CHCHD6: variants seen among roughly 807,000 people sequenced by gnomAD.
CHCHD6 encodes MICOS complex subunit MIC25.
CHCHD6 carries 28 observed loss-of-function variants against 32.3 expected under a neutral mutation model. The ratio of observed to expected loss-of-function variants is 0.87; its 90% CI spans 0.64 to 1.19. The LOEUF (loss-of-function observed/expected upper bound fraction) is 1.19. CHCHD6 is among the 50% of genes most tolerant of loss of function. The pLI is 0.00. For missense variants in CHCHD6, 333 were observed against 307.0 expected, an observed-to-expected ratio of 1.08 and a Z score of -0.63; for synonymous variants, 122 against 117.5, an observed-to-expected ratio of 1.04 and a Z score of -0.25.
rs992745529 is a variant in CHCHD6, at chr3:126,852,693, C to A, written c.458C>A (p.Thr153Asn). The A allele has an allele frequency of 6.2e-7, 1 of 1,613,806 alleles. No individual in the cohort carries two copies. The highest frequency in any genetic ancestry group is 8.5e-7 in the Non-Finnish European group (1 of 1,179,828). The change falls in exon 5 of 8, where the codon ACC (threonine) becomes AAC (asparagine). Residue 153 changes from threonine to asparagine, a missense_variant. Thr to Asn is a moderately conservative substitution (Grantham distance 65). Coordinates refer to ENST00000290913, the MANE Select transcript of CHCHD6 (RefSeq NM_032343.3). ...SREAELRRRD[T>N]FYKEQLERIE... ...GAGGCAGAGCTAAGACGCCGTGACA[C>A]CTTCTACAAGGAGCAGCTGGAGCGT... is the stretch of plus-strand genomic sequence containing the variant.
At chr3:126,808,448 A>G (rs567880780) in intron 4 of CHCHD6, among the ~76,000 whole-genome samples, 1 of 152,196 alleles carries the variant, frequency 6.6e-6, no homozygotes, top group South Asian at 2.1e-4. Flanking sequence ...TCAAGAAAAA[A>G]GAAAACATGT....
intron 6 of CHCHD6, among the ~76,000 whole-genome samples, chr3:126,931,711 C>T (rs2078409117): frequency 6.6e-6 from 1 of 152,216 alleles, no homozygotes; most frequent in African/African-American, 2.4e-5. Context: ...CCTTTCTAAG[C>T]TCCCCTTCTT....
chr3:126,756,073 G>C (rs1021640205), intron 4 of CHCHD6, among the ~76,000 whole-genome samples: 5 of 152,158 alleles, frequency 3.3e-5, no homozygotes, highest in African/African-American at 1.2e-4. Context: ...GCAGCAGCTG[G>C]TCTGTCTGTA....
chr3:126,752,346 C>A (rs1936760620), intron 4 of CHCHD6, among the ~76,000 whole-genome samples: 1 of 152,212 alleles, frequency 6.6e-6, no homozygotes, highest in Non-Finnish European at 1.5e-5. Flanking sequence ...GGACTCTGGT[C>A]ACAGCAGCCC....
chr3:126,876,685 A>G (rs908648678), intron 5 of CHCHD6, among the ~76,000 whole-genome samples: 1 of 152,244 alleles, frequency 6.6e-6, no homozygotes, highest in Non-Finnish European at 1.5e-5. Flanking sequence ...TTCACTGGAA[A>G]GTGAACGAAT....
intron 5 of CHCHD6, among the ~76,000 whole-genome samples, chr3:126,905,437 T>C (rs1229336153): frequency 6.6e-6 from 1 of 152,144 alleles, no homozygotes; most frequent in East Asian, 1.9e-4. Context: ...TAGAACATCA[T>C]GGAGGCTTGG....
chr3:126,820,485 C>T (rs1258018843), intron 4 of CHCHD6, among the ~76,000 whole-genome samples: 2 of 152,108 alleles, frequency 1.3e-5, no homozygotes, highest in East Asian at 1.9e-4. Context: ...GGACAGTGTT[C>T]CTGGCTTTCT....
intron 4 of CHCHD6, among the ~76,000 whole-genome samples, chr3:126,764,088 T>C (rs1328622249): frequency 2.0e-5 from 3 of 151,462 alleles, no homozygotes; most frequent in East Asian, 3.9e-4. Flanking sequence ...CCCAATAATA[T>C]AGATTTATAA....
At chr3:126,758,267 G>C (rs886864590) in intron 4 of CHCHD6, among the ~76,000 whole-genome samples, 1 of 152,238 alleles carries the variant, frequency 6.6e-6, no homozygotes, top group Non-Finnish European at 1.5e-5. Context: ...CTTCCAGCCT[G>C]TAGCTGTGTC....
At chr3:126,805,257 A>G (rs1939306793) in intron 4 of CHCHD6, among the ~76,000 whole-genome samples, 2 of 152,246 alleles carry the variant, frequency 1.3e-5, no homozygotes, top group Admixed American at 6.5e-5. Flanking sequence ...GAGGAAGTCA[A>G]ACTGTCCCTG....
intron 1 of CHCHD6, among the ~76,000 whole-genome samples, chr3:126,717,064 A>G (rs557207511): frequency 6.6e-6 from 1 of 152,322 alleles, no homozygotes; most frequent in East Asian, 1.9e-4. Flanking sequence ...GCAGCACAGC[A>G]GTTAAGCACG....
intron 5 of CHCHD6, among the ~76,000 whole-genome samples, chr3:126,910,334 C>T (rs550957218): frequency 6.6e-6 from 1 of 152,018 alleles, no homozygotes; most frequent in South Asian, 2.1e-4. Flanking sequence ...AAAAGGAAAG[C>T]CTTCTTCACC....
intron 1 of CHCHD6, among the ~76,000 whole-genome samples, chr3:126,708,949 C>CA (rs1202643016): frequency 6.6e-6 from 1 of 152,156 alleles, no homozygotes; most frequent in Non-Finnish European, 1.5e-5. Context: ...TCGTTGGTTC[C>CA]AGGACCCCCA....
chr3:126,803,986 G>T (rs1939221631), intron 4 of CHCHD6, among the ~76,000 whole-genome samples: 1 of 152,150 alleles, frequency 6.6e-6, no homozygotes, highest in African/African-American at 2.4e-5. Context: ...CGAAATGAAG[G>T]CAGAAATAAA....
chr3:126,757,952 G>T (rs1317374675), intron 4 of CHCHD6, among the ~76,000 whole-genome samples: 1 of 152,226 alleles, frequency 6.6e-6, no homozygotes, highest in Non-Finnish European at 1.5e-5. Context: ...GTGGCCCAGT[G>T]CCCTACCAGA....
chr3:126,883,073 C>A (rs1576550438), intron 5 of CHCHD6, among the ~76,000 whole-genome samples: 2 of 152,192 alleles, frequency 1.3e-5, no homozygotes, highest in East Asian at 1.9e-4. Flanking sequence ...TCTATAAAAA[C>A]CCAAACAAGG....
intron 6 of CHCHD6, among the ~76,000 whole-genome samples, chr3:126,916,246 C>T (rs1351879308): frequency 2.0e-5 from 3 of 151,906 alleles, no homozygotes; most frequent in Middle Eastern, 3.2e-3. Context: ...ACTAAAAATA[C>T]GAAAATTAGC....
At chr3:126,936,798 G>A (rs1373572513) in intron 6 of CHCHD6, among the ~76,000 whole-genome samples, 1 of 152,128 alleles carries the variant, frequency 6.6e-6, no homozygotes, top group East Asian at 1.9e-4. Context: ...CAAACAATCT[G>A]CCCACCTCAG....
At chr3:126,798,779 CA>C (rs1938924683) in intron 4 of CHCHD6, among the ~76,000 whole-genome samples, 1 of 152,162 alleles carries the variant, frequency 6.6e-6, no homozygotes, top group South Asian at 2.1e-4. Flanking sequence ...TTGAATTTCG[CA>C]GGAATTGGAG....
Sources: allele counts gnomAD v4.1 joint callset (sites outside exome capture counted in the v4.1 genomes callset), GRCh38; gene constraint gnomAD v4.1.1; transcripts MANE v1.5; gene names NCBI Gene and HGNC (gene_info 2026-07-23, HGNC 2026-07-21).